The following SIPA1L3 variants were observed in gnomAD, a reference collection of about 807,000 sequenced individuals.
SIPA1L3 encodes the protein signal-induced proliferation-associated 1-like protein 3.
SIPA1L3 carries 59 observed loss-of-function variants against 150.1 expected under a neutral mutation model. That is an observed-to-expected ratio of 0.39 (90% CI 0.32 to 0.49). The LOEUF is 0.49. Among genes scored for constraint, SIPA1L3 ranks in the 20% least tolerant of loss-of-function variants. The pLI is 0.86. For missense variants in SIPA1L3, 2,211 were observed against 2,489.5 expected, an observed-to-expected ratio of 0.89 and a Z score of 2.38; for synonymous variants, 1,070 against 1,077.6, an observed-to-expected ratio of 0.99 and a Z score of 0.14.
chr19:38,095,879 T>C (rs1186758767), intron 4 of SIPA1L3, among the ~76,000 whole-genome samples: 3 of 152,168 alleles, frequency 2.0e-5, no homozygotes, highest in Non-Finnish European at 4.4e-5. Flanking sequence ...GTGCTGTCCC[T>C]CGTTCCCAGC....
intron 8 of SIPA1L3, among the ~76,000 whole-genome samples, chr19:38,115,320 C>T (rs770461631): frequency 2.6e-5 from 4 of 152,214 alleles, no homozygotes; most frequent in Non-Finnish European, 4.4e-5. Flanking sequence ...TCTCCTCCCA[C>T]CTTCCCATTC....
chr19:37,912,421 T>C (rs544846729), intron 1 of SIPA1L3, among the ~76,000 whole-genome samples: 3 of 152,266 alleles, frequency 2.0e-5, no homozygotes, highest in African/African-American at 7.2e-5. Flanking sequence ...ATGGGGATGA[T>C]ACCAGTGTCT....
intron 2 of SIPA1L3, among the ~76,000 whole-genome samples, chr19:38,065,562 GCCTGCCACCACACC>G (rs1969554161): frequency 6.6e-6 from 1 of 151,738 alleles, no homozygotes; most frequent in Non-Finnish European, 1.5e-5. Context: ...GATTACAGGT[GCCTGCCACCACACC>G]TAGCTAATTT....
At chr19:38,107,531 A>G (rs1409909747) in intron 7 of SIPA1L3, among the ~76,000 whole-genome samples, 1 of 152,264 alleles carries the variant, frequency 6.6e-6, no homozygotes, top group African/African-American at 2.4e-5. Flanking sequence ...CCACAGAGCA[A>G]TTCTTCCAGT....
chr19:37,936,537 C>T (rs2046602184), intron 1 of SIPA1L3, among the ~76,000 whole-genome samples: 1 of 152,222 alleles, frequency 6.6e-6, no homozygotes, highest in Non-Finnish European at 1.5e-5. Context: ...TAGCCAGTCT[C>T]ATTAAGGGCT....
rs1253394475 is a variant in SIPA1L3, at chr19:38,164,406, A to AG, written c.3781-70dup. Reference sequence around the variant, plus strand: ...GGTCCCAGGGTTCAGGCCCAGGCAGAGGGAGGACCCGGCAAGGGAAGATGC... The same window carrying AG: ...GGTCCCAGGGTTCAGGCCCAGGCAGAGGGGAGGACCCGGCAAGGGAAGATGC... On this transcript the variant is annotated intron_variant, in intron 14 of 21. Transcript: ENST00000222345. The surrounding 1 kb of genome is among the most constrained non-coding windows in gnomAD (Gnocchi z 4.1). 5 of 1,432,288 alleles carry AG rather than the reference A, an allele frequency of 3.5e-6. No individual in the cohort carries two copies. In the African/African-American group the frequency reaches 7.1e-5, roughly 20 times the overall value. 88.7% of individuals were successfully genotyped at this position (1,432,288 alleles called of 1,614,324 possible).
Position 38,046,941 on chromosome 19 carries a change from G to T in SIPA1L3, c.-311+17785G>T, listed in dbSNP as rs914975582. ...TGTGGCTGCCTAACAGCACCACCTG[G>T]GTGGTTGAGTGGCTCTTCCAGAGAC... On this transcript the variant is annotated intron_variant, in intron 2 of 21. Transcript: ENST00000222345. This position sits in a 1 kb window ranked among gnomAD's most constrained non-coding sequence, Gnocchi z 5.6. Among the ~76,000 whole-genome samples the T allele has an allele frequency of 6.6e-6, 1 of 152,192 alleles. No individual in the cohort carries two copies. Among genetic ancestry groups the T allele is most frequent in the East Asian group, 1.9e-4 (1 of 5,196 alleles).
At chr19:38,040,376 T>C (rs112592660) in intron 2 of SIPA1L3, among the ~76,000 whole-genome samples, 1 of 152,148 alleles carries the variant, frequency 6.6e-6, no homozygotes, top group Admixed American at 6.5e-5. Context: ...GTTTTTTTTT[T>C]TAATGCCCCT....
Position 38,046,964 on chromosome 19 carries a change from G to A in SIPA1L3, c.-311+17808G>A, listed in dbSNP as rs1395376364. On this transcript the variant is annotated intron_variant, in intron 2 of 21. Transcript: ENST00000222345. The surrounding 1 kb of genome is among the most constrained non-coding windows in gnomAD (Gnocchi z 5.6). ...TGGGTGGTTGAGTGGCTCTTCCAGA[G>A]ACCCTTAAGTGGATGGGCTCCCCAG... is the stretch of plus-strand genomic sequence containing the variant. 1.3e-5 allele frequency among the ~76,000 whole-genome samples: 2 copies of A among 152,180 alleles called. No individual in the cohort carries two copies. Among genetic ancestry groups the A allele is most frequent in the African/African-American group, 4.8e-5 (2 of 41,462 alleles).
intron 1 of SIPA1L3, among the ~76,000 whole-genome samples, chr19:37,923,212 A>G (rs990652468): frequency 3.3e-5 from 5 of 152,026 alleles, no homozygotes. Context: ...TTAAACAGGC[A>G]AAGGGCCTAG....
chr19:38,099,227 G>T (rs909011742), intron 4 of SIPA1L3, among the ~76,000 whole-genome samples: 3 of 151,930 alleles, frequency 2.0e-5, no homozygotes, highest in African/African-American at 7.3e-5. Flanking sequence ...GTAGAGATGG[G>T]GTTTCACCAT....
intron 1 of SIPA1L3, among the ~76,000 whole-genome samples, chr19:37,932,181 C>T (rs2046560159): frequency 6.6e-6 from 1 of 152,238 alleles, no homozygotes; most frequent in African/African-American, 2.4e-5. Context: ...CATCCAGGCG[C>T]AAGCTCAGGG....
intron 2 of SIPA1L3, among the ~76,000 whole-genome samples, chr19:38,059,274 T>C (rs1295008982): frequency 6.6e-6 from 1 of 151,416 alleles, no homozygotes; most frequent in Non-Finnish European, 1.5e-5. Flanking sequence ...GGGCTTGTAT[T>C]ACAGGTGTGA....
chr19:37,942,620 C>G (rs187523423), intron 1 of SIPA1L3, among the ~76,000 whole-genome samples: 1 of 151,460 alleles, frequency 6.6e-6, no homozygotes, highest in African/African-American at 2.4e-5. Flanking sequence ...CCTCTGGCTA[C>G]GGCGTGGAGC....
At chr19:38,021,333 G>A (rs1968368826) in intron 1 of SIPA1L3, among the ~76,000 whole-genome samples, 1 of 152,170 alleles carries the variant, frequency 6.6e-6, no homozygotes, top group Non-Finnish European at 1.5e-5. Context: ...GTGGCTGACA[G>A]GTCAACACCA....
intron 1 of SIPA1L3, among the ~76,000 whole-genome samples, chr19:38,013,388 T>G (rs1968152706): frequency 1.3e-5 from 2 of 152,198 alleles, no homozygotes; most frequent in Non-Finnish European, 2.9e-5. Flanking sequence ...CACTGCAGCC[T>G]TTTTAGAGCA....
intron 1 of SIPA1L3, among the ~76,000 whole-genome samples, chr19:37,992,483 T>C (rs1006082266): frequency 2.0e-5 from 3 of 151,938 alleles, no homozygotes; most frequent in Non-Finnish European, 2.9e-5. Context: ...AGACCCCGTC[T>C]CTATTAAAAA....
At chr19:38,098,309 A>G (rs963922259) in intron 4 of SIPA1L3, among the ~76,000 whole-genome samples, 40 of 151,942 alleles carry the variant, frequency 2.6e-4, no homozygotes, top group African/African-American at 7.0e-4. Context: ...CATGATTGCA[A>G]TCTGGCTGCC....
chr19:38,078,341 T>C (rs1216951204), intron 2 of SIPA1L3, among the ~76,000 whole-genome samples: 1 of 152,136 alleles, frequency 6.6e-6, no homozygotes, highest in Non-Finnish European at 1.5e-5. Context: ...TGCTATTTGC[T>C]CCTTGAATCT....
Sources: gnomAD v4.1 joint callset for allele counts (sites outside exome capture counted in the v4.1 genomes callset) on GRCh38, gnomAD v4.1.1 for gene constraint, Gnocchi (gnomAD v3.1) non-coding constraint, MANE v1.5 for transcripts, NCBI Gene and HGNC (gene_info 2026-07-23, HGNC 2026-07-21) for gene names.